The following APTX variants were observed in gnomAD, a reference collection of about 807,000 sequenced individuals.
The protein encoded by APTX is forkhead-associated domain histidine triad-like protein.
A neutral mutation model predicts 42.3 loss-of-function variants in APTX; 33 were observed. The observed-to-expected ratio is 0.78, with a 90% CI of 0.59 to 1.04. The LOEUF (loss-of-function observed/expected upper bound fraction) is 1.04, where lower values mean the gene tolerates loss of function less well. Ranked by LOEUF, APTX falls within the 50% of genes least tolerant of loss-of-function variation. The pLI, the probability that APTX is intolerant of heterozygous loss-of-function variation, is 0.00. For synonymous variants in APTX, 130 were observed against 146.7 expected (o/e 0.89, Z 0.82); for missense variants, 421 against 415.1 (o/e 1.01, Z -0.12).
chr9:32,988,044 A>G, intron 3 of APTX, 39 bp downstream of exon 3: 3 of 1,601,302 alleles, frequency 1.9e-6, no homozygotes, highest in Non-Finnish European at 2.6e-6. Context: ...GCATAAGAAA[A>G]TCATCGAGTA....
intron 1 of APTX, chr9:32,997,427 G>A (rs1423536497): frequency 6.6e-6 from 1 of 152,210 alleles, no homozygotes; most frequent in African/African-American, 2.4e-5. Flanking sequence ...GCAAAGGGTG[G>A]AAGCACAATG....
At chr9:32,999,465 G>T (rs879803398) in intron 1 of APTX, among the ~76,000 whole-genome samples, 2 of 152,172 alleles carry the variant, frequency 1.3e-5, no homozygotes, top group African/African-American at 2.4e-5. Context: ...GTTTATACAC[G>T]ACTGGAAACA....
Position 32,996,938 on chromosome 9 carries a change from G to A in APTX, c.-5+4629C>T, listed in dbSNP as rs926752029. Among the ~76,000 whole-genome samples, 12 of 152,288 alleles carry A rather than the reference G, an allele frequency of 7.9e-5. No individual in the cohort carries two copies. The South Asian group carries it at 8.3e-4, about 11-fold the overall frequency. On this transcript the variant is annotated intron_variant, in intron 1 of 7. Coordinates refer to ENST00000379817, the MANE Select transcript of APTX (RefSeq NM_001195248.2). ...CTATGTGCTAGGCACTATGCTAAAT[G>A]TCTTACTTACATGGTCTCATTTTAA...
intron 1 of APTX, chr9:33,015,819 T>C (rs898725015): frequency 2.0e-5 from 3 of 152,228 alleles, no homozygotes; most frequent in African/African-American, 7.2e-5. Context: ...TGTTTATAAC[T>C]AATCAAAGCT....
chr9:33,015,548 AG>A lies in APTX; in HGVS notation c.-5+9474del, dbSNP rs558439744. 2.8e-4 allele frequency among the ~76,000 whole-genome samples: 42 copies of A among 152,194 alleles called. No homozygotes were observed. The East Asian group carries it at 7.9e-3, about 29-fold the overall frequency. On this transcript the variant is annotated intron_variant, in intron 1 of 6. Coordinates refer to the APTX transcript ENST00000436040. The stretch of plus-strand genomic sequence containing the variant: ...TAATTTTTGTATTTTTAGTAGAGAC[AG>A]GGTTTCACCATGTTGGCCAGGCTGG...
At chr9:32,989,591 A>G in intron 2 of APTX, 168 bp downstream of exon 2, 1 of 1,017,298 alleles carries the variant, frequency 9.8e-7, no homozygotes, top group Non-Finnish European at 1.5e-6. Context: ...TTGGGAGGGC[A>G]GAATCAGGAA....
At chr9:33,023,436 C>T (rs1334138278) in intron 1 of APTX, among the ~76,000 whole-genome samples, 1 of 151,378 alleles carries the variant, frequency 6.6e-6, no homozygotes, top group Non-Finnish European at 1.5e-5. Flanking sequence ...GTTGGCCAGG[C>T]TGGTCTAGAA....
intron 1 of APTX, chr9:33,024,790 G>T (rs1410106248): frequency 6.7e-6 from 1 of 148,482 alleles, no homozygotes; most frequent in Admixed American, 6.9e-5. Flanking sequence ...TATTGGTCTG[G>T]GGACTAGACC....
rs57259509 is a variant in APTX at position 32,991,938 on chromosome 9, C to A, written c.-4-2043G>T. Reference sequence around the variant, plus strand: ...ATTGAAATGTAATTATTTTAAGTTGCCTGTGGAAGATCCAAGACTCAAGCT... The same window carrying A: ...ATTGAAATGTAATTATTTTAAGTTGACTGTGGAAGATCCAAGACTCAAGCT... On this transcript the variant is annotated intron_variant, in intron 1 of 7. Coordinates refer to ENST00000379817, the MANE Select transcript of APTX (RefSeq NM_001195248.2). 3.2e-3 allele frequency among the ~76,000 whole-genome samples: 485 copies of A among 152,184 alleles called. 3 individuals are homozygous for A. Among genetic ancestry groups the A allele is most frequent in the African/African-American group, 0.011 (454 of 41,510 alleles).
intron 6 of APTX, among the ~76,000 whole-genome samples, chr9:32,981,583 T>C (rs1830685596): frequency 6.6e-6 from 1 of 152,158 alleles, no homozygotes; most frequent in African/African-American, 2.4e-5. Flanking sequence ...TCATTCCAGA[T>C]AAGCCTGGAA....
rs553274594 is a variant in APTX, at chr9:32,994,288, C to T, written c.-4-4393G>A. On this transcript the variant is annotated intron_variant, in intron 1 of 7. Coordinates refer to ENST00000379817, the MANE Select transcript of APTX (RefSeq NM_001195248.2). ...TTTTTACTTAATAGTTAAATAACTCCACGTGGCTGGGGGGCTACCATAATA... is the reference window on the plus strand; with the variant it reads ...TTTTTACTTAATAGTTAAATAACTCTACGTGGCTGGGGGGCTACCATAATA... Among the ~76,000 whole-genome samples the T allele has an allele frequency of 9.2e-5, 14 of 152,278 alleles. No individual in the cohort carries two copies. In the South Asian group the frequency reaches 1.9e-3, roughly 20 times the overall value.
upstream of APTX, chr9:33,001,749 TTC>T (rs761842955): frequency 2.9e-5 from 31 of 1,061,240 alleles, no homozygotes; most frequent in Non-Finnish European, 4.2e-5. Context: ...CCCAATTGGG[TTC>T]TCTCTGGGCC....
chr9:33,000,137 C>T (rs1020536834), intron 1 of APTX, among the ~76,000 whole-genome samples: 2 of 152,140 alleles, frequency 1.3e-5, no homozygotes, highest in African/African-American at 4.8e-5. Flanking sequence ...AGTTATTTAA[C>T]CTCTCCAAGC....
In APTX at chr9:32,995,281, G is replaced by C. The variant is rs143462343; in HGVS notation, c.-4-5386C>G. 4.1e-3 allele frequency among the ~76,000 whole-genome samples: 623 copies of C among 152,288 alleles called. 6 individuals are homozygous for C. The highest frequency in any genetic ancestry group is 0.014 in the African/African-American group (595 of 41,564). ...TTCTGAAAAGGATACAACCATTCTA[G>C]ATGCCCTTAAGAACATCTGTAATTT... On this transcript the variant is annotated intron_variant, in intron 1 of 7. Transcript: ENST00000379817.
At chr9:32,989,157 C>G (rs1171155729) in intron 2 of APTX, among the ~76,000 whole-genome samples, 2 of 152,152 alleles carry the variant, frequency 1.3e-5, no homozygotes, top group African/African-American at 4.8e-5. Context: ...TAGATTAACT[C>G]ATATAGGAAA....
chr9:33,007,599 A>G (rs1250489190), intron 1 of APTX, among the ~76,000 whole-genome samples: 3 of 152,216 alleles, frequency 2.0e-5, no homozygotes, highest in Admixed American at 2.0e-4. Flanking sequence ...GCCAAATCAT[A>G]AAAGTTATTT....
At chr9:32,978,110 G>A (rs559624526) in intron 6 of APTX, among the ~76,000 whole-genome samples, 7 of 152,202 alleles carry the variant, frequency 4.6e-5, no homozygotes, top group South Asian at 4.1e-4. Flanking sequence ...GCAAAGATAC[G>A]GGGAAAACTA....
chr9:33,004,475 GAATA>G (rs1459584374), upstream of APTX, among the ~76,000 whole-genome samples: 1 of 152,010 alleles, frequency 6.6e-6, no homozygotes, highest in Admixed American at 6.6e-5. Context: ...CAATTATTTT[GAATA>G]TATACACAGA....
At chr9:33,020,923 A>G (rs1195343705) in intron 1 of APTX, among the ~76,000 whole-genome samples, 1 of 152,160 alleles carries the variant, frequency 6.6e-6, no homozygotes, top group Non-Finnish European at 1.5e-5. Flanking sequence ...TGAGGTTGGG[A>G]GTTCAAGACA....
Sources: gnomAD v4.1 joint callset for allele counts (sites outside exome capture counted in the v4.1 genomes callset) on GRCh38, gnomAD v4.1.1 for gene constraint, MANE v1.5 for transcripts, NCBI Gene and HGNC (gene_info 2026-07-23, HGNC 2026-07-21) for gene names.